Variants in HEXIM2 observed in about 807,000 individuals in gnomAD.
HEXIM2 encodes protein HEXIM2.
For synonymous variants in HEXIM2, 159 were observed against 162.7 expected (o/e 0.98, Z 0.17); for missense variants, 413 against 390.8 (o/e 1.06, Z -0.48).
In HEXIM2 at chr17:45,167,024, C is replaced by CA. The variant is rs58258565; in HGVS notation, c.67-1972dup. On this transcript the variant is annotated intron_variant, in intron 3 of 3. Transcript: ENST00000589230. ...TGGGTGACAGAGCAAGACTCTGTCT[C>CA]AAAAAAAAAAAAAAAAAAAGCCCAG... Among the ~76,000 whole-genome samples, 223 of 67,822 alleles carry CA rather than the reference C, an allele frequency of 3.3e-3. 6 individuals carry two copies. Among genetic ancestry groups the CA allele is most frequent in the Middle Eastern group, 0.015 (1 of 68 alleles). The allele number at this position is 67,822 out of a possible 152,430, so 44.5% of individuals were successfully genotyped here. A position where few individuals can be genotyped will look rare whatever the true frequency, so the allele number is the denominator to read the frequency against.
chr17:45,165,156 G>C (rs1233441852), intron 3 of HEXIM2, among the ~76,000 whole-genome samples: 1 of 152,184 alleles, frequency 6.6e-6, no homozygotes, highest in Non-Finnish European at 1.5e-5. Context: ...GCCTGTCCCA[G>C]CTGGGGCAAC....
upstream of HEXIM2, among the ~76,000 whole-genome samples, chr17:45,160,505 G>T (rs966613603): frequency 2.0e-5 from 3 of 152,026 alleles, no homozygotes; most frequent in Admixed American, 1.3e-4. Context: ...CCCTCTAGGA[G>T]GGCAGCCATT....
Position 45,169,424 on chromosome 17 carries a change from A to T in HEXIM2, c.476A>T (p.Asp159Val), listed in dbSNP as rs149754907. Residue 159 changes from aspartate (D) to valine (V), a missense_variant, in exon 4 of 4, where the codon GAT becomes GTT. Coordinates refer to ENST00000589230, the MANE Select transcript of HEXIM2 (RefSeq NM_001303441.2). Reference sequence around the variant, plus strand: ...AGGGACCCGGAGGAGCCCAACTTGGATGTGCCCCATGGGATCTCCCACCCA... The same window carrying T: ...AGGGACCCGGAGGAGCCCAACTTGGTTGTGCCCCATGGGATCTCCCACCCA... ...NDRDPEEPNLDVPHGISHPGS... is the reference protein window; with the variant it reads ...NDRDPEEPNLVVPHGISHPGS... 1.9e-6 allele frequency: 3 copies of T among 1,613,890 alleles called. No individual in the cohort carries two copies. The South Asian group carries it at 3.3e-5, about 18-fold the overall frequency.
intron 3 of HEXIM2, among the ~76,000 whole-genome samples, chr17:45,167,891 C>T (rs2042904178): frequency 1.4e-5 from 2 of 144,164 alleles, no homozygotes; most frequent in South Asian, 2.2e-4. Flanking sequence ...CCACCTCGCC[C>T]GGCCTGTTTG....
intron 3 of HEXIM2, among the ~76,000 whole-genome samples, chr17:45,165,279 A>G (rs2042808063): frequency 6.6e-6 from 1 of 152,060 alleles, no homozygotes; most frequent in Non-Finnish European, 1.5e-5. Context: ...TACACACCCC[A>G]CACACATACA....
At position 45,162,702 on chromosome 17, in the gene HEXIM2, T is replaced by C. The variant is rs765526071; in HGVS notation, c.-44-48T>C. 23 of 1,603,656 alleles carry C rather than the reference T, an allele frequency of 1.4e-5. No individual in the cohort carries two copies. The South Asian group carries it at 2.2e-4, about 15-fold the overall frequency. ...CAAACAATTCTGGGCAGCCAGAGTA[T>C]TCCTGACGTTCCTTCAGGATTTAGG... On this transcript the variant is annotated intron_variant, in intron 2 of 3. Coordinates refer to ENST00000589230, the MANE Select transcript of HEXIM2 (RefSeq NM_001303441.2).
intron 3 of HEXIM2, among the ~76,000 whole-genome samples, chr17:45,166,667 A>T (rs4627401): frequency 0.69 from 105,177 of 151,978 alleles, 38,011 homozygotes; most frequent in African/African-American, 0.9. Flanking sequence ...GGGAGTCTAC[A>T]TTAGGTAGGG....
chr17:45,166,767 TA>T (rs1350946016), intron 3 of HEXIM2, among the ~76,000 whole-genome samples: 1 of 152,112 alleles, frequency 6.6e-6, no homozygotes, highest in African/African-American at 2.4e-5. Flanking sequence ...CTCACACCTG[TA>T]ATCCCAGTAC....
upstream of HEXIM2, among the ~76,000 whole-genome samples, chr17:45,160,488 C>A (rs1472564799): frequency 6.6e-6 from 1 of 151,984 alleles, no homozygotes; most frequent in Non-Finnish European, 1.5e-5. Flanking sequence ...TACTGTAGTT[C>A]GTTTTTCCCT....
intron 3 of HEXIM2, 85 bp from the exon 4 acceptor site, chr17:45,168,930 G>C (rs1345751661): frequency 2.3e-6 from 3 of 1,289,030 alleles, no homozygotes; most frequent in Non-Finnish European, 1.1e-6. Flanking sequence ...TAGGAAGGTA[G>C]GCTTCAGGCT....
At position 45,169,284 on chromosome 17, in the gene HEXIM2, GAAAC is replaced by G; in HGVS notation, c.339_342del (p.Lys113AsnfsTer34). 1 of 1,613,932 alleles carries G rather than the reference GAAAC, an allele frequency of 6.2e-7. No individual in the cohort carries two copies. Among genetic ancestry groups the G allele is most frequent in the Non-Finnish European group, 8.5e-7 (1 of 1,180,048 alleles). ...CCTACCTGGAGCTGAGCTGGGCTGA[GAAAC>G]AACAGCGGGATGAGAGGCAGAGCCA... is the stretch of plus-strand genomic sequence containing the variant. On this transcript the variant is annotated frameshift_variant, in exon 4 of 4. Transcript: ENST00000589230. LOFTEE classifies it low-confidence loss of function (END_TRUNC).
chr17:45,169,565 A>C lies in HEXIM2; in HGVS notation c.617A>C (p.Gln206Pro), dbSNP rs1185545572. 6.4e-7 allele frequency: 1 copy of C among 1,555,708 alleles called. No individual in the cohort carries two copies. Among genetic ancestry groups the C allele is most frequent in the African/African-American group, 1.4e-5 (1 of 72,966 alleles). Reference sequence around the variant, plus strand: ...GAACGCTTCCACACCGAGAGCCTGCAGGGCCGCAGCAAGCAGGAGCTGGTG... The same window carrying C: ...GAACGCTTCCACACCGAGAGCCTGCCGGGCCGCAGCAAGCAGGAGCTGGTG... Reference protein sequence around the residue: ...TYERFHTESLQGRSKQELVRD... With the variant: ...TYERFHTESLPGRSKQELVRD... The change falls in exon 4 of 4, where the codon CAG becomes CCG. Residue 206 changes from glutamine to proline, a missense_variant. Transcript: ENST00000589230.
chr17:45,160,837 C>A, upstream of HEXIM2: 10 of 1,105,008 alleles, frequency 9.0e-6, no homozygotes, highest in Non-Finnish European at 1.2e-5. Flanking sequence ...TTTCCAAGTG[C>A]CCCTCTCTAG....
At chr17:45,160,825 G>A, upstream of HEXIM2, 1 of 991,484 alleles carries the variant, frequency 1.0e-6, no homozygotes, top group Non-Finnish European at 1.4e-6. Context: ...AGCTCGTGAA[G>A]GTTTCCAAGT....
intron 1 of HEXIM2, 58 bp downstream of exon 1, chr17:45,162,089 C>A: frequency 1.2e-6 from 1 of 861,236 alleles, no homozygotes; most frequent in Non-Finnish European, 1.4e-6. Context: ...TCCAAGAAAT[C>A]CATCCTTATC....
chr17:45,169,632 G>T lies in HEXIM2; in HGVS notation c.684G>T (p.Glu228Asp). 1 of 1,536,538 alleles carries T rather than the reference G, an allele frequency of 6.5e-7. No homozygotes were observed. ...LELEKRLSQA[E>D]EETRRLQQLQ... ...TGGAGAAGCGGCTGTCGCAGGCGGA[G>T]GAGGAGACTAGGAGGCTGCAGCAGC... is the stretch of plus-strand genomic sequence containing the variant. The change falls in exon 4 of 4, where the codon GAG becomes GAT. Residue 228 changes from glutamate to aspartate, a missense_variant. Coordinates refer to ENST00000589230, the MANE Select transcript of HEXIM2 (RefSeq NM_001303441.2).
upstream of HEXIM2, chr17:45,161,230 G>A (rs931893529): frequency 1.4e-5 from 5 of 352,716 alleles, no homozygotes; most frequent in Middle Eastern, 1.0e-3. Flanking sequence ...TCCCCTTCTG[G>A]GGTCTCGGGA....
chr17:45,168,377 G>A (rs996410532), intron 3 of HEXIM2, among the ~76,000 whole-genome samples: 1 of 151,786 alleles, frequency 6.6e-6, no homozygotes, highest in African/African-American at 2.4e-5. Flanking sequence ...CAGCTACGCG[G>A]GAGGCTGAGG....
In HEXIM2 at chr17:45,169,206, G is replaced by A; in HGVS notation, c.258G>A (p.Leu86=). ...GGGGCTGCTCAGCGGAGGCTGTGCT[G>A]GCCCGGAAGAAACACCGTCGGCGGC... ...SPGGCSAEAV[L]ARKKHRRRPS... The change falls in exon 4 of 4, where the codon CTG becomes CTA. Residue 86 remains leucine (L), a synonymous_variant. Transcript: ENST00000589230. 6.2e-7 allele frequency: 1 copy of A among 1,613,614 alleles called. No homozygotes were observed. The highest frequency in any genetic ancestry group is 1.1e-5 in the South Asian group (1 of 91,088).
Sources: gnomAD v4.1 joint callset for allele counts (sites outside exome capture counted in the v4.1 genomes callset) on GRCh38, gnomAD v4.1.1 for gene constraint, MANE v1.5 for transcripts, NCBI Gene and HGNC (gene_info 2026-07-23, HGNC 2026-07-21) for gene names.